Variants in AHNAK2 observed in about 807,000 individuals in gnomAD.
The protein encoded by AHNAK2 is AHNAK nucleoprotein 2.
AHNAK2 carries 18 observed loss-of-function variants against 30.7 expected under a neutral mutation model. That is an observed-to-expected ratio of 0.59 (90% CI 0.41 to 0.87). AHNAK2 has a LOEUF of 0.87. Among genes scored for constraint, AHNAK2 ranks in the 40% least tolerant of loss-of-function variants. The pLI is 0.00. For missense variants in AHNAK2, 8,604 were observed against 7,373.0 expected, an observed-to-expected ratio of 1.17 and a Z score of -6.11; for synonymous variants, 3,590 against 3,073.8, an observed-to-expected ratio of 1.17 and a Z score of -5.56.
chr14:104,950,936 C>T lies in AHNAK2; in HGVS notation c.4515G>A (p.Val1505=), dbSNP rs202245210. 3.4e-4 allele frequency: 527 copies of T among 1,540,356 alleles called. 54 individuals are homozygous for T. In the Middle Eastern group the frequency reaches 3.7e-3, roughly 11 times the overall value. The change falls in exon 7 of 7, where the codon GTG becomes GTA. Residue 1505 remains valine (V), a synonymous_variant. Transcript: ENST00000333244. ...MPKFKMPSFG[V]SAPGKSIEAS... ...CCTCGATGGACTTGCCTGGGGCAGA[C>T]ACCCCGAACGACGGCATCTTGAACT...
chr14:104,958,195 T>A (rs958695891), intron 1 of AHNAK2, among the ~76,000 whole-genome samples: 2 of 152,220 alleles, frequency 1.3e-5, no homozygotes, highest in Non-Finnish European at 2.9e-5. Context: ...ATGCCTGTAA[T>A]CCCAGGACTT....
intron 1 of AHNAK2, among the ~76,000 whole-genome samples, chr14:104,969,108 C>A (rs921010224): frequency 5.3e-5 from 8 of 152,214 alleles, no homozygotes; most frequent in Non-Finnish European, 1.2e-4. Context: ...ATAACTCTCT[C>A]GGGATGAGCT....
At position 104,952,626 on chromosome 14, in the gene AHNAK2, T is replaced by G; in HGVS notation, c.2825A>C (p.Lys942Thr). The change falls in exon 7 of 7, where the codon AAG becomes ACG. Residue 942 changes from lysine (K) to threonine (T), a missense_variant. Transcript: ENST00000333244. ...CGCCTTGGGGCCTTTCAGGTCCAGC[T>G]TGGGGCCCTTAACATCTATCTGGGG... ...KGPQIDVKGPKLDLKGPKAEV... is the reference protein window; with the variant it reads ...KGPQIDVKGPTLDLKGPKAEV... 6.2e-7 allele frequency: 1 copy of G among 1,612,470 alleles called. No homozygotes were observed.
chr14:104,949,579 C>A lies in AHNAK2; in HGVS notation c.5872G>T (p.Val1958Phe). 1 of 1,588,882 alleles carries A rather than the reference C, an allele frequency of 6.3e-7. No individual in the cohort carries two copies. Among genetic ancestry groups the A allele is most frequent in the Non-Finnish European group, 8.6e-7 (1 of 1,163,370 alleles). ...TCCAGCTTAGCCTTCTGGGCCTGGA[C>A]ATCCACCTCCATGCTGGGCAGAGAC... Reference protein sequence around the residue: ...EVSLPSMEVDVQAQKAKLDGA... With the variant: ...EVSLPSMEVDFQAQKAKLDGA... The change falls in exon 7 of 7, where the codon GTC (valine) becomes TTC (phenylalanine). Residue 1958 changes from valine (V) to phenylalanine (F), a missense_variant. By Grantham distance (50) the Val-to-Phe change is conservative. Coordinates refer to ENST00000333244, the MANE Select transcript of AHNAK2 (RefSeq NM_138420.4).
At position 104,939,839 on chromosome 14, in the gene AHNAK2, G is replaced by GA. The variant is rs1897925254; in HGVS notation, c.15611dup (p.Arg5205GlnfsTer23). On this transcript the variant is annotated frameshift_variant, in exon 7 of 7. Transcript: ENST00000333244. LOFTEE classifies it low-confidence loss of function (END_TRUNC). The stretch of plus-strand genomic sequence containing the variant: ...GCTTTCCAGCCCCGCCTCTGTCCCT[G>GA]AAAGAGCGCCTAAGGCTGGGCATGC... 6.2e-7 allele frequency: 1 copy of GA among 1,613,744 alleles called. No individual in the cohort carries two copies. Among genetic ancestry groups the GA allele is most frequent in the Non-Finnish European group, 8.5e-7 (1 of 1,179,910 alleles).
At chr14:104,956,915 C>T (rs1898993581) in intron 3 of AHNAK2, among the ~76,000 whole-genome samples, 1 of 152,174 alleles carries the variant, frequency 6.6e-6, no homozygotes, top group African/African-American at 2.4e-5. Context: ...GCCCACAGCA[C>T]CCACCCTACA....
At chr14:104,956,883 T>G (rs903951183) in intron 3 of AHNAK2, among the ~76,000 whole-genome samples, 194 bp from the exon 4 acceptor site, 6 of 151,846 alleles carry the variant, frequency 4.0e-5, no homozygotes, top group African/African-American at 1.5e-4. Flanking sequence ...CCTTCCTGCT[T>G]CCCGACAGGG....
Position 104,966,729 on chromosome 14 carries a change from C to T in AHNAK2, c.56-9057G>A, listed in dbSNP as rs1023003626. On this transcript the variant is annotated intron_variant, in intron 1 of 6. Transcript: ENST00000333244. This position sits in a 1 kb window ranked among gnomAD's most constrained non-coding sequence, Gnocchi z 4.3. ...TGGGGCCACCCCAGCCCCTCTGGAGCTGCCTGGAGCTCCAGCCACACCAGA... is the reference window on the plus strand; with the variant it reads ...TGGGGCCACCCCAGCCCCTCTGGAGTTGCCTGGAGCTCCAGCCACACCAGA... Among the ~76,000 whole-genome samples the T allele has an allele frequency of 6.6e-6, 1 of 152,214 alleles. No individual in the cohort carries two copies. The highest frequency in any genetic ancestry group is 1.5e-5 in the Non-Finnish European group (1 of 68,030).
chr14:104,944,816 G>A lies in AHNAK2; in HGVS notation c.10635C>T (p.Pro3545=), dbSNP rs34499888. The A allele has an allele frequency of 0.44, 705,981 of 1,612,302 alleles. 165,134 individuals are homozygous for A. The highest frequency in any genetic ancestry group is 0.53 in the Middle Eastern group (3,223 of 6,048). ...CTTTGAGGCCGGCTCCCTCGGGCAC[G>A]GGGCCCTCCAGGAGTTCCACATCCA... ...VQVDVELLEG[P]VPEGAGLKGH... Residue 3545 remains proline, a synonymous_variant, in exon 7 of 7, where the codon CCC becomes CCT. Transcript: ENST00000333244.
Position 104,949,568 on chromosome 14 carries a change from C to T in AHNAK2, c.5883G>A (p.Gln1961=), listed in dbSNP as rs1898535800. Residue 1961 remains glutamine (Q), a synonymous_variant, in exon 7 of 7, where the codon CAG becomes CAA. Transcript: ENST00000333244. The stretch of plus-strand genomic sequence containing the variant: ...GCCGCGCACCATCCAGCTTAGCCTT[C>T]TGGGCCTGGACATCCACCTCCATGC... ...LPSMEVDVQA[Q]KAKLDGARLE... 9 of 1,585,970 alleles carry T rather than the reference C, an allele frequency of 5.7e-6. 1 individual carries two copies. The highest frequency in any genetic ancestry group is 7.7e-6 in the Non-Finnish European group (9 of 1,162,430).
Position 104,944,951 on chromosome 14 carries a change from C to T in AHNAK2, c.10500G>A (p.Ala3500=), listed in dbSNP as rs199731572. Reference sequence around the variant, plus strand: ...GGCTCACGTCGGCCTCCACCTTCGGCGCAGACACATCCAGCGAGGCCTCGA... The same window carrying T: ...GGCTCACGTCGGCCTCCACCTTCGGTGCAGACACATCCAGCGAGGCCTCGA... ...RSIEASLDVS[A]PKVEADVSLS... Residue 3500 remains alanine (A), a synonymous_variant, in exon 7 of 7, where the codon GCG becomes GCA. Transcript: ENST00000333244. 2.4e-4 allele frequency: 392 copies of T among 1,612,596 alleles called. No individual in the cohort carries two copies. The highest frequency in any genetic ancestry group is 3.4e-4 in the South Asian group (31 of 90,996).
Position 104,954,261 on chromosome 14 carries a change from G to A in AHNAK2, c.1190C>T (p.Thr397Ile), listed in dbSNP as rs1898899429. 1.2e-6 allele frequency: 2 copies of A among 1,613,134 alleles called. No homozygotes were observed. The highest frequency in any genetic ancestry group is 1.7e-6 in the Non-Finnish European group (2 of 1,179,882). ...GCAAAGTCTAGGGTCACCGAGCTCT[G>A]TGGGCAATGGCATGCTCTGAGCAGG... is the stretch of plus-strand genomic sequence containing the variant. The part of the protein sequence containing the change: ...VMPAQSMPLP[T>I]ELGDPRLCEG... The change falls in exon 7 of 7, where the codon ACA becomes ATA. Residue 397 changes from threonine to isoleucine, a missense_variant. Thr to Ile is a moderately conservative substitution (Grantham distance 89). Coordinates refer to ENST00000333244, the MANE Select transcript of AHNAK2 (RefSeq NM_138420.4). This position sits in a 1 kb window ranked among gnomAD's most constrained non-coding sequence, Gnocchi z 4.3.
In AHNAK2 at chr14:104,941,618, C is replaced by G. The variant is rs752627399; in HGVS notation, c.13833G>C (p.Glu4611Asp). 2 of 1,613,588 alleles carry G rather than the reference C, an allele frequency of 1.2e-6. No homozygotes were observed. Among genetic ancestry groups the G allele is most frequent in the Admixed American group, 1.7e-5 (1 of 60,028 alleles). The change falls in exon 7 of 7, where the codon GAG (glutamate) becomes GAC (aspartate). Residue 4611 changes from glutamate (E) to aspartate (D), a missense_variant. Physicochemically the swap from Glu to Asp is conservative, Grantham distance 45. Transcript: ENST00000333244. ...PGSMLDGARL[E>D]GDLSLAHEDV... is the part of the protein sequence containing the mutation. ...CCTCGTGGGCCAGGGACAGGTCCCC[C>G]TCAAGCCGCGCACCATCCAGCATGG...
At chr14:104,973,913 CA>C (rs1001535608) in intron 1 of AHNAK2, among the ~76,000 whole-genome samples, 3 of 152,166 alleles carry the variant, frequency 2.0e-5, no homozygotes, top group Non-Finnish European at 4.4e-5. Context: ...GCGGTGGCTG[CA>C]AAAACCTCTG....
Position 104,938,153 on chromosome 14 carries a change from G to A in AHNAK2, c.17298C>T (p.Ser5766=), listed in dbSNP as rs571077656. 40 of 1,613,766 alleles carry A rather than the reference G, an allele frequency of 2.5e-5. No homozygotes were observed. Among genetic ancestry groups the A allele is most frequent in the African/African-American group, 1.3e-4 (10 of 74,906 alleles). ...GCAGGATTAACTCTGTTCTTGCCGC[G>A]GATGTCACCATCACTCTGGAGTCCA... ...TGLDSRVMVT[S]AARTELILPE... Residue 5766 remains serine (S), a synonymous_variant, in exon 7 of 7, where the codon TCC becomes TCT. Transcript: ENST00000333244.
intron 1 of AHNAK2, among the ~76,000 whole-genome samples, chr14:104,962,592 ATT>A (rs112564439): frequency 1.4e-5 from 2 of 143,970 alleles, no homozygotes; most frequent in African/African-American, 2.5e-5. Context: ...TGCCTCACTA[ATT>A]TTTTTTTTTT....
chr14:104,955,393 G>A, intron 5 of AHNAK2, 90 bp downstream of exon 5: 2 of 1,498,758 alleles, frequency 1.3e-6, no homozygotes, highest in Non-Finnish European at 1.8e-6. Context: ...TAAGCTCCAG[G>A]TGTGGTTCTT....
chr14:104,942,915 G>C lies in AHNAK2; in HGVS notation c.12536C>G (p.Thr4179Ser). The C allele has an allele frequency of 6.2e-7, 1 of 1,613,322 alleles. No homozygotes were observed. The highest frequency in any genetic ancestry group is 8.5e-7 in the Non-Finnish European group (1 of 1,179,648). The change falls in exon 7 of 7, where the codon ACT becomes AGT. Residue 4179 changes from threonine to serine, a missense_variant. Coordinates refer to ENST00000333244, the MANE Select transcript of AHNAK2 (RefSeq NM_138420.4). Reference protein sequence around the residue: ...LPSMQGDLKTTDLSIQSPSAD... With the variant: ...LPSMQGDLKTSDLSIQSPSAD... Reference sequence around the variant, plus strand: ...GGAAGGGGACTGAATGCTGAGGTCAGTGGTCTTGAGGTCCCCCTGCATGGA... The same window carrying C: ...GGAAGGGGACTGAATGCTGAGGTCACTGGTCTTGAGGTCCCCCTGCATGGA...
In AHNAK2 at chr14:104,947,606, C is replaced by G. The variant is rs1434918916; in HGVS notation, c.7845G>C (p.Glu2615Asp). 5 of 1,613,202 alleles carry G rather than the reference C, an allele frequency of 3.1e-6. No homozygotes were observed. Among genetic ancestry groups the G allele is most frequent in the Non-Finnish European group, 4.2e-6 (5 of 1,179,714 alleles). ...TTGCTCTCGGGGCCTGGACGTCCACCTCCATGCTGGACAGAGACATCTCCA... is the reference window on the plus strand; with the variant it reads ...TTGCTCTCGGGGCCTGGACGTCCACGTCCATGCTGGACAGAGACATCTCCA... Reference protein sequence around the residue: ...PDVEMSLSSMEVDVQAPRAKL... With the variant: ...PDVEMSLSSMDVDVQAPRAKL... The change falls in exon 7 of 7, where the codon GAG becomes GAC. Residue 2615 changes from glutamate to aspartate, a missense_variant. Glu to Asp is a conservative substitution (Grantham distance 45). Coordinates refer to ENST00000333244, the MANE Select transcript of AHNAK2 (RefSeq NM_138420.4).
Sources: gnomAD v4.1 joint callset for allele counts (sites outside exome capture counted in the v4.1 genomes callset) on GRCh38, gnomAD v4.1.1 for gene constraint, Gnocchi (gnomAD v3.1) non-coding constraint, MANE v1.5 for transcripts, NCBI Gene and HGNC (gene_info 2026-07-23, HGNC 2026-07-21) for gene names.